Variants in NDUFA10 observed in about 807,000 individuals in gnomAD.
The protein encoded by NDUFA10 is NADH:ubiquinone oxidoreductase subunit A10.
NDUFA10 carries 40 observed loss-of-function variants against 47.8 expected under a neutral mutation model. The ratio of observed to expected loss-of-function variants is 0.84; its 90% confidence interval spans 0.65 to 1.09. The LOEUF (loss-of-function observed/expected upper bound fraction) is 1.09, where lower values mean the gene tolerates loss of function less well. Ranked by LOEUF, NDUFA10 falls within the 50% of genes least tolerant of loss-of-function variation. The pLI is 0.00. For synonymous variants in NDUFA10, 183 were observed against 172.2 expected, an observed-to-expected ratio of 1.06 and a Z score of -0.49; for missense variants, 413 against 451.1, an observed-to-expected ratio of 0.92 and a Z score of 0.76.
chr2:239,974,995 ATG>A (rs992741740), intron 9 of NDUFA10, among the ~76,000 whole-genome samples: 2 of 145,236 alleles, frequency 1.4e-5, no homozygotes, highest in African/African-American at 5.2e-5. Context: ...ATTTAAAAAC[ATG>A]TGACACTCCT....
At chr2:239,989,856 A>C (rs1476355364) in intron 9 of NDUFA10, among the ~76,000 whole-genome samples, 1 of 152,250 alleles carries the variant, frequency 6.6e-6, no homozygotes, top group Non-Finnish European at 1.5e-5. Flanking sequence ...CTTCCAGAAG[A>C]ACATCTCTGC....
intron 5 of NDUFA10, chr2:240,014,502 C>A: frequency 3.5e-6 from 2 of 563,750 alleles, no homozygotes; most frequent in Non-Finnish European, 6.3e-6. Flanking sequence ...ACTCGGGGAC[C>A]ACAGTGGGAC....
At position 239,960,011 on chromosome 2, in the gene NDUFA10, A is replaced by G. The variant is rs1694785025; in HGVS notation, c.*1107T>C. 1 of 984,634 alleles carries G rather than the reference A, an allele frequency of 1.0e-6. No homozygotes were observed. Among genetic ancestry groups the G allele is most frequent in the African/African-American group, 1.7e-5 (1 of 57,236 alleles). The allele number at this position is 984,634 out of a possible 1,614,324, so 61.0% of individuals were successfully genotyped here. A position where few individuals can be genotyped will look rare whatever the true frequency, so the allele number is the denominator to read the frequency against. ...CCACAGGCGGCTGTGGAGTGCCTGAACTATGGCCAGTGCAACCAAGGAACC... is the reference window on the plus strand; with the variant it reads ...CCACAGGCGGCTGTGGAGTGCCTGAGCTATGGCCAGTGCAACCAAGGAACC... On this transcript the variant is annotated 3_prime_UTR_variant, in exon 10 of 10. Coordinates refer to ENST00000252711, the MANE Select transcript of NDUFA10 (RefSeq NM_004544.4).
At chr2:240,004,026 C>T (rs974490581) in intron 8 of NDUFA10, among the ~76,000 whole-genome samples, 6 of 152,172 alleles carry the variant, frequency 3.9e-5, no homozygotes, top group South Asian at 2.1e-4. Flanking sequence ...CTGAATTCAA[C>T]GGACGAGACA....
At chr2:239,930,738 G>A (rs1694155570) in intron 4 of NDUFA10, among the ~76,000 whole-genome samples, 2 of 152,190 alleles carry the variant, frequency 1.3e-5, no homozygotes, top group South Asian at 4.1e-4. Context: ...CAGGGGAACA[G>A]CAGGCATGGA....
At chr2:239,946,652 C>T (rs1013335882) in intron 4 of NDUFA10, among the ~76,000 whole-genome samples, 12 of 152,246 alleles carry the variant, frequency 7.9e-5, no homozygotes, top group African/African-American at 2.7e-4. Flanking sequence ...TTGAGTTCAA[C>T]GGCTCCTGAC....
At chr2:239,932,900 G>A (rs1347867973) in intron 4 of NDUFA10, among the ~76,000 whole-genome samples, 1 of 152,188 alleles carries the variant, frequency 6.6e-6, no homozygotes, top group Non-Finnish European at 1.5e-5. Context: ...AGTATTTAAT[G>A]GGCTTTATTA....
intron 4 of NDUFA10, among the ~76,000 whole-genome samples, chr2:239,915,573 T>C (rs1035279037): frequency 4.0e-5 from 5 of 123,614 alleles, no homozygotes; most frequent in Non-Finnish European, 8.4e-5. Flanking sequence ...GACACAAATA[T>C]ACAGACACAC....
chr2:239,940,192 A>G (rs1298773478), intron 4 of NDUFA10, among the ~76,000 whole-genome samples: 2 of 152,236 alleles, frequency 1.3e-5, no homozygotes, highest in Non-Finnish European at 2.9e-5. Context: ...AGGCAAAACC[A>G]GCCACAGATG....
chr2:239,988,530 T>C (rs923677398), intron 9 of NDUFA10, among the ~76,000 whole-genome samples: 1 of 152,132 alleles, frequency 6.6e-6, no homozygotes, highest in African/African-American at 2.4e-5. Flanking sequence ...TCTGCCTTAC[T>C]GGAGAAGGAC....
chr2:239,922,131 A>G (rs542784485), intron 4 of NDUFA10, among the ~76,000 whole-genome samples: 1 of 143,258 alleles, frequency 7.0e-6, no homozygotes, highest in East Asian at 2.2e-4. Flanking sequence ...TTTCCCCTCA[A>G]TTATAAGCAG....
At chr2:239,927,133 T>C (rs1694079514) in intron 4 of NDUFA10, among the ~76,000 whole-genome samples, 1 of 152,170 alleles carries the variant, frequency 6.6e-6, no homozygotes, top group African/African-American at 2.4e-5. Flanking sequence ...TTATACCCTA[T>C]CAGACATGGA....
chr2:239,962,056 G>A (rs1231903284), intron 9 of NDUFA10, among the ~76,000 whole-genome samples: 1 of 152,234 alleles, frequency 6.6e-6, no homozygotes, highest in Non-Finnish European at 1.5e-5. Context: ...AGGGCTGGCT[G>A]AGACGGAAAG....
At position 240,011,891 on chromosome 2, in the gene NDUFA10, C is replaced by G; in HGVS notation, c.670-195G>C. ...CATTCTCCTTCTACTACAGTGAACA[C>G]CTGAGCCTGCCCAAGTGCTCCCATA... On this transcript the variant is annotated intron_variant, in intron 5 of 9. Coordinates refer to ENST00000252711, the MANE Select transcript of NDUFA10 (RefSeq NM_004544.4). 3.2e-6 allele frequency: 2 copies of G among 622,820 alleles called. 1 individual carries two copies. The highest frequency in any genetic ancestry group is 3.5e-5 in the South Asian group (2 of 57,202). 38.6% of individuals were successfully genotyped at this position (622,820 alleles called of 1,614,324 possible).
intron 4 of NDUFA10, among the ~76,000 whole-genome samples, chr2:239,899,443 A>AG (rs1483313558): frequency 1.5e-5 from 2 of 133,242 alleles, no homozygotes; most frequent in African/African-American, 5.7e-5. Context: ...AGGAATGTGG[A>AG]GGGTTGTGAT....
At chr2:240,011,060 C>T (rs1260271843) in intron 6 of NDUFA10, among the ~76,000 whole-genome samples, 1 of 152,048 alleles carries the variant, frequency 6.6e-6, no homozygotes, top group Admixed American at 6.5e-5. Flanking sequence ...ACCCAAGGAG[C>T]GCAGAATGAC....
intron 8 of NDUFA10, among the ~76,000 whole-genome samples, chr2:240,000,311 A>C (rs1696652574): frequency 6.6e-6 from 1 of 152,184 alleles, no homozygotes; most frequent in Non-Finnish European, 1.5e-5. Flanking sequence ...TCCAGTGAGA[A>C]AGGTGTGGAG....
chr2:239,911,528 G>A (rs1693754525), intron 4 of NDUFA10, among the ~76,000 whole-genome samples: 3 of 152,204 alleles, frequency 2.0e-5, no homozygotes, highest in South Asian at 4.1e-4. Flanking sequence ...CACACCCTGA[G>A]CCTTCCACTG....
At chr2:239,909,783 A>G (rs1197451774) in intron 4 of NDUFA10, among the ~76,000 whole-genome samples, 1 of 152,232 alleles carries the variant, frequency 6.6e-6, no homozygotes, top group Non-Finnish European at 1.5e-5. Context: ...TCTGCACAGC[A>G]AAAGAAACTA....
Sources: gnomAD v4.1 joint callset for allele counts (sites outside exome capture counted in the v4.1 genomes callset) on GRCh38, gnomAD v4.1.1 for gene constraint, MANE v1.5 for transcripts, NCBI Gene and HGNC (gene_info 2026-07-23, HGNC 2026-07-21) for gene names.